Variants in LIMCH1 observed in about 807,000 individuals in gnomAD.
LIMCH1 encodes the protein LIM and calponin homology domains-containing protein 1.
In LIMCH1, 113 loss-of-function variants were observed where a neutral mutation model predicts 176.5. That is an observed-to-expected ratio of 0.64 (90% CI 0.55 to 0.75). The LOEUF (loss-of-function observed/expected upper bound fraction) is 0.75, where lower values mean the gene tolerates loss of function less well. Ranked by LOEUF, LIMCH1 falls within the 30% of genes least tolerant of loss-of-function variation. The probability of loss-of-function intolerance (pLI) is 0.00; values close to 1 mark genes in which losing one functional copy is unlikely to be tolerated. For synonymous variants in LIMCH1, 619 were observed against 645.9 expected (o/e 0.96, Z 0.63); for missense variants, 1,674 against 1,814.9 (o/e 0.92, Z 1.41).
chr4:41,396,044 C>T (rs568948135), intron 1 of LIMCH1, among the ~76,000 whole-genome samples: 3 of 152,164 alleles, frequency 2.0e-5, no homozygotes, highest in African/African-American at 7.2e-5. Context: ...AAGAGCTCCC[C>T]GGTAATGGGA....
chr4:41,388,807 T>C (rs980563845), intron 1 of LIMCH1, among the ~76,000 whole-genome samples: 1 of 152,088 alleles, frequency 6.6e-6, no homozygotes, highest in Non-Finnish European at 1.5e-5. Flanking sequence ...CACGCCCAAC[T>C]AATTTTTATA....
rs1339910527 is a variant in LIMCH1, at chr4:41,644,531, G to T, written c.2158G>T (p.Glu720Ter). 1 of 1,593,444 alleles carries T rather than the reference G, an allele frequency of 6.3e-7. No homozygotes were observed. Among genetic ancestry groups the T allele is most frequent in the African/African-American group, 1.3e-5 (1 of 74,298 alleles). ...CAGCATGTTTGACATGCGGTGTGAG[G>T]AGGAGGCCGCGGTGCAGCCGCACAG... ...STSMFDMRCE[E>*]EAAVQPHSRA... is the part of the protein sequence containing the mutation. The change falls in exon 15 of 32, where the codon GAG becomes TAG. Residue 720 changes from glutamate (E) to a stop codon, truncating the protein, a stop_gained. Coordinates refer to ENST00000503057, the MANE Select transcript of LIMCH1 (RefSeq NM_001330672.2). LOFTEE classifies it high-confidence loss of function.
At chr4:41,431,855 A>G (rs1338021987) in intron 1 of LIMCH1, among the ~76,000 whole-genome samples, 1 of 152,216 alleles carries the variant, frequency 6.6e-6, no homozygotes, top group Non-Finnish European at 1.5e-5. Context: ...ATTGGTGTTC[A>G]TACTATAGGA....
chr4:41,625,915 A>T (rs965376414), intron 7 of LIMCH1, among the ~76,000 whole-genome samples: 4 of 152,124 alleles, frequency 2.6e-5, no homozygotes, highest in Admixed American at 2.0e-4. Flanking sequence ...TTGCTCTTGG[A>T]CTTCAGGGGT....
chr4:41,402,318 A>G lies in LIMCH1; in HGVS notation c.96+41382A>G, dbSNP rs561707909. ...TTAGAATGGCAATCATTAAAAAGTC[A>G]GGAAACAACAGGTGCTGGAGAGGAT... On this transcript the variant is annotated intron_variant, in intron 1 of 26. Coordinates refer to the LIMCH1 transcript ENST00000313860. Among the ~76,000 whole-genome samples, 835 of 151,946 alleles carry G rather than the reference A, an allele frequency of 5.5e-3. 11 individuals carry two copies. The highest frequency in any genetic ancestry group is 0.019 in the African/African-American group (769 of 41,324).
intron 1 of LIMCH1, among the ~76,000 whole-genome samples, chr4:41,371,282 A>G (rs562900580): frequency 2.2e-4 from 33 of 152,288 alleles, no homozygotes; most frequent in African/African-American, 7.2e-4. Flanking sequence ...TTTCATCCAT[A>G]TGGCTCCCAA....
At chr4:41,665,429 C>T (rs1253360030) in intron 20 of LIMCH1, among the ~76,000 whole-genome samples, 1 of 152,174 alleles carries the variant, frequency 6.6e-6, no homozygotes, top group Non-Finnish European at 1.5e-5. Context: ...CCTCGTTGAC[C>T]TCTGTAATGC....
intron 2 of LIMCH1, among the ~76,000 whole-genome samples, chr4:41,520,232 G>C (rs958549734): frequency 6.6e-6 from 1 of 152,062 alleles, no homozygotes; most frequent in African/African-American, 2.4e-5. Flanking sequence ...TCTTGTCCCA[G>C]ACCTCTTCCT....
chr4:41,415,024 A>G lies in LIMCH1; in HGVS notation c.96+54088A>G, dbSNP rs1343069864. ...CCATATATACTACAGGAATAACAAT[A>G]TAATACCTGTTTCATAGAGACATTG... On this transcript the variant is annotated intron_variant, in intron 1 of 26. Transcript: ENST00000313860. Among the ~76,000 whole-genome samples the G allele has an allele frequency of 2.6e-5, 4 of 152,176 alleles. No individual in the cohort carries two copies. The East Asian group carries it at 5.8e-4, about 22-fold the overall frequency.
intron 1 of LIMCH1, among the ~76,000 whole-genome samples, chr4:41,590,520 A>G (rs377078681): frequency 5.9e-5 from 9 of 152,108 alleles, no homozygotes; most frequent in African/African-American, 1.4e-4. Context: ...TGGCTTCCCC[A>G]CTGCCTAAAG....
In LIMCH1 at chr4:41,547,861, G is replaced by GTATATATATA. The variant is rs746652816; in HGVS notation, c.-241+9512_-241+9513insATATATATAT. Among the ~76,000 whole-genome samples, 312 of 84,868 alleles carry GTATATATATA rather than the reference G, an allele frequency of 3.7e-3. 1 individual carries two copies. The highest frequency in any genetic ancestry group is 7.4e-3 in the Middle Eastern group (1 of 136). 55.7% of individuals were successfully genotyped at this position (84,868 alleles called of 152,430 possible). ...GTTTTATGATATATAATTTGTGTGT[G>GTATATATATA]TGTATATATATATATATATATATAT... is the stretch of plus-strand genomic sequence containing the variant. On this transcript the variant is annotated intron_variant, in intron 1 of 31. Transcript: ENST00000503057.
chr4:41,537,959 T>C (rs1325146487), upstream of LIMCH1, among the ~76,000 whole-genome samples: 1 of 152,182 alleles, frequency 6.6e-6, no homozygotes, highest in Non-Finnish European at 1.5e-5. Flanking sequence ...TGGGTGCTTT[T>C]TCTAGATCCA....
At chr4:41,608,505 G>T (rs898445215) in intron 4 of LIMCH1, among the ~76,000 whole-genome samples, 2 of 152,150 alleles carry the variant, frequency 1.3e-5, no homozygotes, top group African/African-American at 2.4e-5. Flanking sequence ...TTTCACAAAG[G>T]AGATTATCCA....
chr4:41,640,755 T>C (rs2152909612), intron 14 of LIMCH1, among the ~76,000 whole-genome samples: 1 of 152,338 alleles, frequency 6.6e-6, no homozygotes, highest in African/African-American at 2.4e-5. Context: ...AAAGGCAGTT[T>C]TTTGGCACAG....
intron 1 of LIMCH1, among the ~76,000 whole-genome samples, chr4:41,465,291 G>A (rs1582649452): frequency 6.6e-6 from 1 of 152,024 alleles, no homozygotes; most frequent in African/African-American, 2.4e-5. Flanking sequence ...ACCTGCCCCC[G>A]CATTTGTTCC....
intron 1 of LIMCH1, chr4:41,389,075 A>G (rs980456048): frequency 1.3e-5 from 2 of 152,306 alleles, no homozygotes; most frequent in African/African-American, 4.8e-5. Flanking sequence ...TTCTTTGGTC[A>G]TCTCATATCC....
intron 1 of LIMCH1, among the ~76,000 whole-genome samples, chr4:41,468,485 A>C (rs1195657058): frequency 1.3e-5 from 2 of 150,112 alleles, no homozygotes; most frequent in Non-Finnish European, 3.0e-5. Flanking sequence ...CCTGATCTGA[A>C]ATGACATTAG....
chr4:41,366,787 G>A (rs1277053172), intron 1 of LIMCH1, among the ~76,000 whole-genome samples: 1 of 152,196 alleles, frequency 6.6e-6, no homozygotes, highest in Non-Finnish European at 1.5e-5. Flanking sequence ...TTGCAATATT[G>A]AAAACAACAC....
chr4:41,425,387 C>T (rs960859414), intron 1 of LIMCH1, among the ~76,000 whole-genome samples: 2 of 152,190 alleles, frequency 1.3e-5, no homozygotes, highest in African/African-American at 4.8e-5. Context: ...CACTCTGTTG[C>T]CCAGGCTGGA....
Sources: allele counts gnomAD v4.1 joint callset (sites outside exome capture counted in the v4.1 genomes callset), GRCh38; gene constraint gnomAD v4.1.1; transcripts MANE v1.5; gene names NCBI Gene and HGNC (gene_info 2026-07-23, HGNC 2026-07-21).